FBXO31: variants seen among roughly 807,000 people sequenced by gnomAD.
FBXO31 encodes the protein F-box only protein 31.
Under a neutral mutation model 54.4 loss-of-function variants are expected in FBXO31, and 24 were observed. That is an observed-to-expected ratio of 0.44 (90% CI 0.32 to 0.62). The LOEUF (loss-of-function observed/expected upper bound fraction) is 0.62. FBXO31 is among the 20% of genes least tolerant of loss of function. The pLI is 0.05. For synonymous variants in FBXO31, 388 were observed against 335.6 expected, an observed-to-expected ratio of 1.16 and a Z score of -1.71; for missense variants, 665 against 787.1, an observed-to-expected ratio of 0.84 and a Z score of 1.86.
chr16:87,342,721 T>C (rs1461527256), intron 5 of FBXO31, among the ~76,000 whole-genome samples, 156 bp downstream of exon 5: 1 of 152,210 alleles, frequency 6.6e-6, no homozygotes, highest in Non-Finnish European at 1.5e-5. Context: ...GTGTGCCGGA[T>C]GCACGGTCTG....
intron 1 of FBXO31, among the ~76,000 whole-genome samples, chr16:87,362,144 C>A (rs1906160972): frequency 6.6e-6 from 1 of 152,220 alleles, no homozygotes. Context: ...TAGGCCGGGG[C>A]TGCCCTGATG....
intron 1 of FBXO31, chr16:87,388,871 T>C (rs1907415566): frequency 1.3e-5 from 2 of 152,246 alleles, no homozygotes; most frequent in Non-Finnish European, 2.9e-5. Flanking sequence ...TAAATTAAAA[T>C]GAAAGATGTG....
chr16:87,378,573 C>A (rs1906930418), intron 1 of FBXO31, among the ~76,000 whole-genome samples: 1 of 152,228 alleles, frequency 6.6e-6, no homozygotes, highest in Non-Finnish European at 1.5e-5. Flanking sequence ...AAAGGGAAAT[C>A]ACTCTGGGAA....
chr16:87,383,543 G>C lies in FBXO31; in HGVS notation c.202C>G (p.Leu68Val), dbSNP rs1907181134. 2 of 1,565,816 alleles carry C rather than the reference G, an allele frequency of 1.3e-6. No homozygotes were observed. Among genetic ancestry groups the C allele is most frequent in the South Asian group, 2.3e-5 (2 of 85,270 alleles). ...ACCAGCAGCTCGGGCGGCAGCTCCA[G>C]CAGCGAGCAGCGCGGGGGCGGCGGC... ...PSPPPPRCSL[L>V]ELPPELLVEI... The change falls in exon 1 of 9, where the codon CTG becomes GTG. Residue 68 changes from leucine (L) to valine (V), a missense_variant. Leu to Val is a conservative substitution (Grantham distance 32). Transcript: ENST00000311635. The surrounding 1 kb of genome is among the most constrained non-coding windows in gnomAD (Gnocchi z 4.9).
At chr16:87,371,736 G>A (rs1364425297) in intron 1 of FBXO31, among the ~76,000 whole-genome samples, 3 of 152,312 alleles carry the variant, frequency 2.0e-5, no homozygotes, top group Non-Finnish European at 2.9e-5. Flanking sequence ...GATGCATTAC[G>A]TCATTGCATT....
In FBXO31 at chr16:87,335,476, T is replaced by C; in HGVS notation, c.843-19A>G. On this transcript the variant is annotated intron_variant, in intron 6 of 8. Transcript: ENST00000311635. This position sits in a 1 kb window ranked among gnomAD's most constrained non-coding sequence, Gnocchi z 5.7. ...GCAGTTGCTGTGGGGAGCGGACGGGTCAGTACAGGAGACCTCGTGGGGCAG... is the reference window on the plus strand; with the variant it reads ...GCAGTTGCTGTGGGGAGCGGACGGGCCAGTACAGGAGACCTCGTGGGGCAG... 2 of 1,586,774 alleles carry C rather than the reference T, an allele frequency of 1.3e-6. No individual in the cohort carries two copies. The highest frequency in any genetic ancestry group is 1.7e-6 in the Non-Finnish European group (2 of 1,165,806).
intron 1 of FBXO31, among the ~76,000 whole-genome samples, chr16:87,381,204 G>C (rs528399567): frequency 1.3e-5 from 2 of 151,928 alleles, no homozygotes; most frequent in Non-Finnish European, 2.9e-5. Flanking sequence ...CAAAAATCTT[G>C]TATTACTAAT....
At chr16:87,340,306 A>G (rs1418188069) in intron 5 of FBXO31, among the ~76,000 whole-genome samples, 1 of 152,224 alleles carries the variant, frequency 6.6e-6, no homozygotes, top group African/African-American at 2.4e-5. Context: ...CAAAAACTAT[A>G]AGAATGAGAA....
At chr16:87,378,023 G>C (rs1048395936) in intron 1 of FBXO31, among the ~76,000 whole-genome samples, 1 of 151,874 alleles carries the variant, frequency 6.6e-6, no homozygotes, top group African/African-American at 2.4e-5. Context: ...GCCAAGCATG[G>C]TGGTGCACAC....
intron 1 of FBXO31, among the ~76,000 whole-genome samples, chr16:87,376,326 T>G (rs1300465672): frequency 1.3e-5 from 2 of 151,270 alleles, no homozygotes; most frequent in Non-Finnish European, 2.9e-5. Flanking sequence ...CAGGCTGGAG[T>G]GCAGTGGCGC....
intron 1 of FBXO31, among the ~76,000 whole-genome samples, chr16:87,362,929 C>T (rs529876392): frequency 1.3e-5 from 2 of 152,158 alleles, no homozygotes; most frequent in Non-Finnish European, 2.9e-5. Flanking sequence ...GTCTTTACTA[C>T]AAACAGGCCT....
intron 1 of FBXO31, among the ~76,000 whole-genome samples, chr16:87,377,764 G>A (rs1234739619): frequency 6.6e-6 from 1 of 151,878 alleles, no homozygotes; most frequent in East Asian, 1.9e-4. Context: ...GGGAGGTTGA[G>A]GCTGTAGTGA....
chr16:87,386,800 T>G (rs192368486), upstream of FBXO31, among the ~76,000 whole-genome samples: 30 of 152,324 alleles, frequency 2.0e-4, no homozygotes, highest in African/African-American at 7.2e-4. Flanking sequence ...GGGTCATTAC[T>G]GCAATGGCAA....
chr16:87,365,439 C>T (rs537293362), intron 1 of FBXO31, among the ~76,000 whole-genome samples: 17 of 152,308 alleles, frequency 1.1e-4, no homozygotes, highest in African/African-American at 4.1e-4. Flanking sequence ...CATCAAGGTA[C>T]GTTTTGACAT....
intron 2 of FBXO31, among the ~76,000 whole-genome samples, chr16:87,348,142 C>A (rs1050834666): frequency 6.6e-6 from 1 of 152,158 alleles, no homozygotes; most frequent in African/African-American, 2.4e-5. Flanking sequence ...AACCCCCAGC[C>A]CACCCACTGC....
In FBXO31 at chr16:87,331,599, C is replaced by T. The variant is rs1261589913; in HGVS notation, c.1398-89G>A. 4.7e-5 allele frequency: 51 copies of T among 1,080,810 alleles called. 1 individual carries two copies. The East Asian group carries it at 1.3e-3, about 28-fold the overall frequency. 67.0% of individuals were successfully genotyped at this position (1,080,810 alleles called of 1,614,324 possible). A position where few individuals can be genotyped will look rare whatever the true frequency, so the allele number is the denominator to read the frequency against. ...CAGCATTCTGCGACCCCGCTCTGTG[C>T]CGCAAGAGCCACATCCACTGTTCAT... On this transcript the variant is annotated intron_variant, in intron 8 of 8. Coordinates refer to ENST00000311635, the MANE Select transcript of FBXO31 (RefSeq NM_024735.5).
At position 87,347,269 on chromosome 16, in the gene FBXO31, A is replaced by G. The variant is rs778381478; in HGVS notation, c.413-19T>C. ...TGAAGCACTACAGGAGGAGAGAAAG[A>G]GCAAGTCTCTGTGTTAGACCCAGCG... On this transcript the variant is annotated intron_variant, in intron 2 of 8. Coordinates refer to ENST00000311635, the MANE Select transcript of FBXO31 (RefSeq NM_024735.5). 6.2e-7 allele frequency: 1 copy of G among 1,611,778 alleles called. No individual in the cohort carries two copies. Among genetic ancestry groups the G allele is most frequent in the South Asian group, 1.1e-5 (1 of 91,048 alleles).
At chr16:87,357,947 C>T (rs1316954938) in intron 2 of FBXO31, among the ~76,000 whole-genome samples, 5 of 151,930 alleles carry the variant, frequency 3.3e-5, no homozygotes, top group Non-Finnish European at 5.9e-5. Context: ...CTGTTGCTAC[C>T]TGCCTTTGTC....
chr16:87,335,076 T>A lies in FBXO31; in HGVS notation c.996+228A>T, dbSNP rs1905001988. On this transcript the variant is annotated intron_variant, in intron 7 of 8. Coordinates refer to ENST00000311635, the MANE Select transcript of FBXO31 (RefSeq NM_024735.5). This position sits in a 1 kb window ranked among gnomAD's most constrained non-coding sequence, Gnocchi z 5.7. ...TGAGCGGTGCTGTGGGAAGGCCACC[T>A]TGGAAGCACACAGACTCCCTGAGGG... Among the ~76,000 whole-genome samples the A allele has an allele frequency of 6.6e-6, 1 of 152,136 alleles. No homozygotes were observed. The highest frequency in any genetic ancestry group is 1.9e-4 in the East Asian group (1 of 5,182).
Sources: allele counts gnomAD v4.1 joint callset (sites outside exome capture counted in the v4.1 genomes callset), GRCh38; gene constraint gnomAD v4.1.1; non-coding constraint Gnocchi (gnomAD v3.1); transcripts MANE v1.5; gene names NCBI Gene and HGNC (gene_info 2026-07-23, HGNC 2026-07-21).